LRRTM4: variants seen among roughly 807,000 people sequenced by gnomAD.
The protein encoded by LRRTM4 is leucine rich repeat transmembrane neuronal 4, also known as leucine-rich repeat transmembrane neuronal protein 4.
LRRTM4 carries 25 observed loss-of-function variants against 47.6 expected under a neutral mutation model. The ratio of observed to expected loss-of-function variants is 0.53; its 90% CI spans 0.38 to 0.73. The LOEUF (loss-of-function observed/expected upper bound fraction) is 0.73, where lower values mean the gene tolerates loss of function less well. LRRTM4 is among the 30% of genes least tolerant of loss of function. The pLI is 0.00. For missense variants in LRRTM4, 638 were observed against 713.4 expected (o/e 0.89, Z 1.20); for synonymous variants, 311 against 269.5 (o/e 1.15, Z -1.51).
intron 3 of LRRTM4, among the ~76,000 whole-genome samples, chr2:77,412,123 T>C (rs1674466671): frequency 6.6e-6 from 1 of 152,104 alleles, no homozygotes; most frequent in African/African-American, 2.4e-5. Flanking sequence ...ATTTGCATTA[T>C]TCGTAAGGGC....
At chr2:77,228,950 C>A (rs1333719990) in intron 3 of LRRTM4, among the ~76,000 whole-genome samples, 1 of 152,030 alleles carries the variant, frequency 6.6e-6, no homozygotes, top group African/African-American at 2.4e-5. Context: ...CATATGACCC[C>A]TTCTCTTTTT....
At chr2:76,845,277 G>A (rs934297007) in intron 3 of LRRTM4, among the ~76,000 whole-genome samples, 1 of 152,118 alleles carries the variant, frequency 6.6e-6, no homozygotes, top group East Asian at 1.9e-4. Flanking sequence ...GATCACTTGA[G>A]CCCAGGAGTT....
At chr2:76,940,980 C>A (rs1376786254) in intron 3 of LRRTM4, among the ~76,000 whole-genome samples, 1 of 152,088 alleles carries the variant, frequency 6.6e-6, no homozygotes, top group Non-Finnish European at 1.5e-5. Context: ...TCAGAATTTA[C>A]ATTAATTTTC....
At chr2:76,892,260 A>T (rs1048300406) in intron 3 of LRRTM4, among the ~76,000 whole-genome samples, 2 of 151,684 alleles carry the variant, frequency 1.3e-5, no homozygotes, top group African/African-American at 4.8e-5. Flanking sequence ...TCGTTGGTCA[A>T]TTTCCAATGG....
At chr2:77,000,141 G>A (rs538820452) in intron 3 of LRRTM4, among the ~76,000 whole-genome samples, 7 of 144,054 alleles carry the variant, frequency 4.9e-5, no homozygotes, top group African/African-American at 1.8e-4. Flanking sequence ...TACGGAGAAA[G>A]AGTGGGAAAG....
At chr2:77,356,164 A>G (rs961454727) in intron 3 of LRRTM4, among the ~76,000 whole-genome samples, 2 of 152,190 alleles carry the variant, frequency 1.3e-5, no homozygotes, top group African/African-American at 2.4e-5. Context: ...ATGAGATAAT[A>G]GATTAATTGA....
intron 3 of LRRTM4, among the ~76,000 whole-genome samples, chr2:76,849,824 A>T (rs1671940560): frequency 6.6e-6 from 1 of 152,122 alleles, no homozygotes; most frequent in Non-Finnish European, 1.5e-5. Flanking sequence ...GAAGTTGAAG[A>T]CAATTTTTTT....
chr2:77,327,154 G>C (rs184142914), intron 3 of LRRTM4, among the ~76,000 whole-genome samples: 2,613 of 152,230 alleles, frequency 0.017, 33 homozygotes, highest in East Asian at 0.04. Context: ...TAGCGGTCAA[G>C]CTAATTATTT....
At chr2:77,286,319 A>T (rs1230481895) in intron 3 of LRRTM4, among the ~76,000 whole-genome samples, 1 of 152,070 alleles carries the variant, frequency 6.6e-6, no homozygotes, top group African/African-American at 2.4e-5. Flanking sequence ...AATATAACAT[A>T]GTCAAAGCTC....
At chr2:77,350,603 C>G (rs1406749434) in intron 3 of LRRTM4, among the ~76,000 whole-genome samples, 5 of 151,852 alleles carry the variant, frequency 3.3e-5, no homozygotes, top group Admixed American at 6.6e-5. Context: ...TATGGAAGTG[C>G]AATAGAAAAG....
chr2:76,959,600 A>G (rs1337229669), intron 3 of LRRTM4, among the ~76,000 whole-genome samples: 4 of 151,754 alleles, frequency 2.6e-5, no homozygotes, highest in Non-Finnish European at 5.9e-5. Context: ...GGCAGTATCT[A>G]AAACAGCAAA....
At chr2:77,481,243 G>A (rs927440889) in intron 3 of LRRTM4, among the ~76,000 whole-genome samples, 12 of 152,260 alleles carry the variant, frequency 7.9e-5, no homozygotes, top group Admixed American at 2.6e-4. Flanking sequence ...GTGAAGCAAA[G>A]CCTATTATTA....
At chr2:77,168,088 G>A (rs545810468) in intron 3 of LRRTM4, among the ~76,000 whole-genome samples, 6 of 152,132 alleles carry the variant, frequency 3.9e-5, no homozygotes, top group South Asian at 2.1e-4. Flanking sequence ...GGGTGTTTGT[G>A]TGCATATGTG....
At chr2:77,074,441 A>C (rs148413267) in intron 3 of LRRTM4, among the ~76,000 whole-genome samples, 1 of 152,072 alleles carries the variant, frequency 6.6e-6, no homozygotes, top group African/African-American at 2.4e-5. Context: ...TAGTAAGATC[A>C]TATCTTCTGT....
At chr2:77,392,346 ACCGC>A (rs1217732209) in intron 3 of LRRTM4, among the ~76,000 whole-genome samples, 1 of 151,914 alleles carries the variant, frequency 6.6e-6, no homozygotes, top group Non-Finnish European at 1.5e-5. Context: ...CTGTAGCCCA[ACCGC>A]CTTGGGCACA....
intron 3 of LRRTM4, among the ~76,000 whole-genome samples, chr2:76,789,697 T>A (rs2103706008): frequency 6.6e-6 from 1 of 152,250 alleles, no homozygotes; most frequent in African/African-American, 2.4e-5. Flanking sequence ...CTCTGTATCA[T>A]GAGGGAGGAG....
At chr2:77,127,124 T>C (rs1671669511) in intron 3 of LRRTM4, among the ~76,000 whole-genome samples, 1 of 152,202 alleles carries the variant, frequency 6.6e-6, no homozygotes, top group Admixed American at 6.5e-5. Flanking sequence ...ATTTCTAAAA[T>C]TTTTATTTTA....
intron 3 of LRRTM4, among the ~76,000 whole-genome samples, chr2:76,853,745 T>C (rs536632952): frequency 6.4e-4 from 97 of 152,278 alleles, no homozygotes; most frequent in African/African-American, 2.3e-3. Flanking sequence ...TTAAGGTAAA[T>C]TCCAGATTGT....
At chr2:76,809,627 T>A (rs1670668087) in intron 3 of LRRTM4, among the ~76,000 whole-genome samples, 1 of 152,186 alleles carries the variant, frequency 6.6e-6, no homozygotes, top group Non-Finnish European at 1.5e-5. Context: ...TACCTTTGGT[T>A]AAATGTAAGT....
Sources: gnomAD v4.1 joint callset for allele counts (sites outside exome capture counted in the v4.1 genomes callset) on GRCh38, gnomAD v4.1.1 for gene constraint, MANE v1.5 for transcripts, NCBI Gene and HGNC (gene_info 2026-07-23, HGNC 2026-07-21) for gene names.